Variants in PSD2 observed in about 807,000 individuals in gnomAD.
PSD2 encodes PH and SEC7 domain-containing protein 2.
PSD2 carries 38 observed loss-of-function variants against 69.8 expected under a neutral mutation model. The ratio of observed to expected loss-of-function variants is 0.54; its 90% CI spans 0.42 to 0.71. PSD2 has a LOEUF of 0.71. PSD2 is among the 30% of genes least tolerant of loss of function. The pLI is 0.00. For missense variants in PSD2, 943 were observed against 1,014.5 expected, an observed-to-expected ratio of 0.93 and a Z score of 0.96; for synonymous variants, 412 against 423.0, an observed-to-expected ratio of 0.97 and a Z score of 0.32.
chr5:139,759,742 G>A, the PSD2 span, among the ~76,000 whole-genome samples: 9 of 152,316 alleles, frequency 5.9e-5, no homozygotes, highest in African/African-American at 2.2e-4. Flanking sequence ...CAATTCTTCC[G>A]TTTAATTATT....
At chr5:139,781,524 A>G in the PSD2 span, among the ~76,000 whole-genome samples, 3 of 151,550 alleles carry the variant, frequency 2.0e-5, no homozygotes, top group Admixed American at 6.6e-5. Context: ...TTTAGTAGAG[A>G]TGGGGTTTCA....
upstream of PSD2, among the ~76,000 whole-genome samples, chr5:139,790,999 C>T (rs1055412782): frequency 2.0e-5 from 3 of 151,926 alleles, no homozygotes; most frequent in African/African-American, 7.3e-5. Flanking sequence ...TGCAGTGAAC[C>T]GAGATTGCAC....
At chr5:139,810,831 C>T (rs1338769922) in intron 2 of PSD2, among the ~76,000 whole-genome samples, 4 of 152,066 alleles carry the variant, frequency 2.6e-5, no homozygotes, top group Admixed American at 1.3e-4. Flanking sequence ...TTAGAGCACA[C>T]CGTATTGAGG....
At chr5:139,797,519 T>C (rs1484498247) in intron 1 of PSD2, among the ~76,000 whole-genome samples, 5 of 152,206 alleles carry the variant, frequency 3.3e-5, no homozygotes, top group African/African-American at 1.2e-4. Flanking sequence ...GTCTGACAAC[T>C]ATGGGGTGCA....
At position 139,807,452 on chromosome 5, in the gene PSD2, A is replaced by G. The variant is rs1406851566; in HGVS notation, c.-50-1939A>G. Among the ~76,000 whole-genome samples, 4 of 151,898 alleles carry G rather than the reference A, an allele frequency of 2.6e-5. No individual in the cohort carries two copies. In the East Asian group the frequency reaches 5.8e-4, roughly 22 times the overall value. ...GGGAACCGATTGAAATAGCAACTAC[A>G]GCAGCAGGGATTTAGGGCAGACCAG... On this transcript the variant is annotated intron_variant, in intron 1 of 14. Transcript: ENST00000274710.
At chr5:139,757,428 A>G in the PSD2 span, among the ~76,000 whole-genome samples, 2 of 152,214 alleles carry the variant, frequency 1.3e-5, no homozygotes, top group African/African-American at 2.4e-5. Context: ...TGTTTTGAGC[A>G]TCAGATGTAG....
At chr5:139,754,000 C>T in the PSD2 span, among the ~76,000 whole-genome samples, 2 of 152,166 alleles carry the variant, frequency 1.3e-5, no homozygotes, top group South Asian at 4.1e-4. Flanking sequence ...CCACACCGTG[C>T]TAATTTTGTA....
intron 8 of PSD2, among the ~76,000 whole-genome samples, chr5:139,835,046 C>T (rs1020433725): frequency 6.6e-6 from 1 of 151,858 alleles, no homozygotes; most frequent in East Asian, 1.9e-4. Flanking sequence ...CAAACACTCC[C>T]CATCTACTCA....
chr5:139,808,120 C>T (rs761650399), intron 1 of PSD2, among the ~76,000 whole-genome samples: 8 of 152,312 alleles, frequency 5.3e-5, no homozygotes, highest in African/African-American at 1.9e-4. Context: ...CAAGGCCCAA[C>T]AAGGGGAGGA....
rs572768023 is a variant in PSD2, at chr5:139,837,565, G to A, written c.1666-60G>A. 16 of 1,504,758 alleles carry A rather than the reference G, an allele frequency of 1.1e-5. No individual in the cohort carries two copies. The South Asian group carries it at 1.9e-4, about 18-fold the overall frequency. The allele number at this position is 1,504,758 out of a possible 1,614,324, so 93.2% of individuals were successfully genotyped here. A position where few individuals can be genotyped will look rare whatever the true frequency, so the allele number is the denominator to read the frequency against. On this transcript the variant is annotated intron_variant, in intron 11 of 14. Transcript: ENST00000274710. This position sits in a 1 kb window ranked among gnomAD's most constrained non-coding sequence, Gnocchi z 5.0. ...TAGGGTTAGACAGAGAGCAGTGAGG[G>A]GAGGGGAGAGTGGAAGGTGTGGGTC...
At chr5:139,822,540 G>A (rs1331515125) in intron 6 of PSD2, among the ~76,000 whole-genome samples, 186 bp from the exon 7 acceptor site, 2 of 152,218 alleles carry the variant, frequency 1.3e-5, no homozygotes, top group African/African-American at 2.4e-5. Flanking sequence ...CCTGGGGCAG[G>A]CAAGTGACTT....
chr5:139,830,569 T>TTCCTTCCTTCCTTC (rs1334455882), intron 7 of PSD2, among the ~76,000 whole-genome samples: 701 of 50,944 alleles, frequency 0.014, 6 homozygotes, highest in African/African-American at 0.033. Flanking sequence ...TTCCTTCCTT[T>TTCCTTCCTTCCTTC]CTTTCTTTCT....
At chr5:139,749,267 ACTT>A in the PSD2 span, among the ~76,000 whole-genome samples, 1 of 152,094 alleles carries the variant, frequency 6.6e-6, no homozygotes, top group Non-Finnish European at 1.5e-5. Flanking sequence ...TCCTCTGAGA[ACTT>A]CTTCCTGACT....
intron 2 of PSD2, 63 bp downstream of exon 2, chr5:139,809,874 G>C: frequency 6.5e-7 from 1 of 1,546,658 alleles, no homozygotes; most frequent in Admixed American, 2.0e-5. Flanking sequence ...GTGTGGCCTG[G>C]GCTTAGCCAC....
rs748625981 is a variant in PSD2, at chr5:139,837,639, T to A, written c.1680T>A (p.Pro560=). 9.9e-6 allele frequency: 16 copies of A among 1,611,494 alleles called. No individual in the cohort carries two copies. The South Asian group carries it at 1.7e-4, about 17-fold the overall frequency. ...GCCCCACCCAGGATGAGTACAGGCC[T>A]GACAAAGCTCTATCGGAGGGTGACC... ...ILYLQKDEYR[P]DKALSEGDLK... Residue 560 remains proline, a synonymous_variant, in exon 12 of 15, where the codon CCT becomes CCA. Transcript: ENST00000274710. The surrounding 1 kb of genome is among the most constrained non-coding windows in gnomAD (Gnocchi z 5.0).
At chr5:139,808,525 G>C (rs1395200527) in intron 1 of PSD2, among the ~76,000 whole-genome samples, 1 of 152,194 alleles carries the variant, frequency 6.6e-6, no homozygotes, top group Non-Finnish European at 1.5e-5. Flanking sequence ...GGTCATGCAG[G>C]GAGTTGGGCA....
chr5:139,760,777 G>C, the PSD2 span, among the ~76,000 whole-genome samples: 182 of 152,300 alleles, frequency 1.2e-3, no homozygotes, highest in Middle Eastern at 0.01. Flanking sequence ...GGCAATGTGA[G>C]GGGGAATGGC....
chr5:139,837,652 T>G lies in PSD2; in HGVS notation c.1693T>G (p.Ser565Ala). 1 of 1,613,472 alleles carries G rather than the reference T, an allele frequency of 6.2e-7. No homozygotes were observed. The highest frequency in any genetic ancestry group is 1.3e-5 in the African/African-American group (1 of 75,030). Reference protein sequence around the residue: ...KDEYRPDKALSEGDLKNAIRV... With the variant: ...KDEYRPDKALAEGDLKNAIRV... ...TGAGTACAGGCCTGACAAAGCTCTA[T>G]CGGAGGGTGACCTGAAGAACGCCAT... The change falls in exon 12 of 15, where the codon TCG becomes GCG. Residue 565 changes from serine to alanine, a missense_variant. By Grantham distance (99) the Ser-to-Ala change is moderately conservative (BLOSUM62 1). Transcript: ENST00000274710. The surrounding 1 kb of genome is among the most constrained non-coding windows in gnomAD (Gnocchi z 5.0).
At chr5:139,793,731 A>G (rs1018598745), upstream of PSD2, among the ~76,000 whole-genome samples, 5 of 152,228 alleles carry the variant, frequency 3.3e-5, no homozygotes, top group Admixed American at 3.3e-4. Flanking sequence ...ACAACAATTA[A>G]ATAGTGCATT....
Sources: gnomAD v4.1 joint callset for allele counts (sites outside exome capture counted in the v4.1 genomes callset) on GRCh38, gnomAD v4.1.1 for gene constraint, Gnocchi (gnomAD v3.1) non-coding constraint, MANE v1.5 for transcripts, NCBI Gene and HGNC (gene_info 2026-07-23, HGNC 2026-07-21) for gene names.